The following ABCA13 variants were observed in gnomAD, a reference collection of about 807,000 sequenced individuals.
ABCA13 encodes ATP binding cassette subfamily A member 13.
A neutral mutation model predicts 478.7 loss-of-function variants in ABCA13; 476 were observed. The ratio of observed to expected loss-of-function variants is 0.99; its 90% CI spans 0.92 to 1.07. ABCA13 has a LOEUF of 1.07. Among genes scored for constraint, ABCA13 ranks in the 50% least tolerant of loss-of-function variants. The pLI is 0.00. For missense variants in ABCA13, 6,060 were observed against 5,910.6 expected (o/e 1.03, Z -0.83); for synonymous variants, 2,252 against 2,158.9 (o/e 1.04, Z -1.20).
chr7:48,198,065 G>C (rs1370387014), intron 2 of ABCA13, among the ~76,000 whole-genome samples, 172 bp from the exon 3 acceptor site: 1 of 151,946 alleles, frequency 6.6e-6, no homozygotes, highest in African/African-American at 2.4e-5. Context: ...AGATATAAAG[G>C]TTTTTCCATT....
intron 15 of ABCA13, among the ~76,000 whole-genome samples, chr7:48,251,666 A>G (rs1173895192): frequency 2.0e-5 from 3 of 152,030 alleles, no homozygotes; most frequent in South Asian, 2.1e-4. Flanking sequence ...TTTACTAAAT[A>G]TGTATATTAT....
intron 35 of ABCA13, among the ~76,000 whole-genome samples, chr7:48,383,934 C>G (rs1814779745): frequency 6.6e-6 from 1 of 152,216 alleles, no homozygotes; most frequent in Non-Finnish European, 1.5e-5. Context: ...TAATAACTTC[C>G]TGGACCTTTC....
chr7:48,335,474 T>G lies in ABCA13; in HGVS notation c.10052T>G (p.Leu3351Arg), dbSNP rs1171829441. Residue 3351 changes from leucine (L) to arginine (R), a missense_variant, in exon 28 of 62, where the codon CTG becomes CGG. Transcript: ENST00000435803. ...VDKLKTLSET[L>R]LEMSSLFQRS... ...AAACTAAAAACTTTATCAGAAACACTGCTGGAAATGTCCAGCCTTTTCCAG... is the reference window on the plus strand; with the variant it reads ...AAACTAAAAACTTTATCAGAAACACGGCTGGAAATGTCCAGCCTTTTCCAG... 1.2e-6 allele frequency: 2 copies of G among 1,613,750 alleles called. No homozygotes were observed. Among genetic ancestry groups the G allele is most frequent in the Admixed American group, 3.3e-5 (2 of 60,002 alleles).
At chr7:48,313,377 A>G in intron 25 of ABCA13, 146 bp downstream of exon 25, 1 of 812,934 alleles carries the variant, frequency 1.2e-6, no homozygotes, top group Non-Finnish European at 1.9e-6. Flanking sequence ...TATCTCTGGA[A>G]GCAACAGCAT....
chr7:48,388,278 A>G (rs17132284), intron 36 of ABCA13, among the ~76,000 whole-genome samples: 4,054 of 152,324 alleles, frequency 0.027, 187 homozygotes, highest in African/African-American at 0.092. Flanking sequence ...CCCAAAATGA[A>G]TATGTGTAAG....
intron 42 of ABCA13, among the ~76,000 whole-genome samples, chr7:48,445,524 T>C (rs1438813950): frequency 2.6e-5 from 4 of 152,034 alleles, no homozygotes; most frequent in Non-Finnish European, 5.9e-5. Context: ...CAACAGCTCT[T>C]CTCCCTGCCT....
chr7:48,468,782 T>C (rs1827160599), intron 44 of ABCA13, among the ~76,000 whole-genome samples: 1 of 152,200 alleles, frequency 6.6e-6, no homozygotes, highest in Non-Finnish European at 1.5e-5. Flanking sequence ...GTTGAGATAC[T>C]CAGCTCTGAG....
chr7:48,380,405 G>A (rs1814159745), intron 35 of ABCA13, among the ~76,000 whole-genome samples: 1 of 152,130 alleles, frequency 6.6e-6, no homozygotes, highest in Admixed American at 6.5e-5. Context: ...CACTATTGAT[G>A]GCGTTGTTTT....
intron 3 of ABCA13, among the ~76,000 whole-genome samples, chr7:48,208,935 G>A (rs983338668): frequency 6.6e-6 from 1 of 152,002 alleles, no homozygotes; most frequent in Admixed American, 6.6e-5. Context: ...AGTAGCTGTG[G>A]TTTTGTCATA....
At chr7:48,284,056 A>G (rs190346769) in intron 19 of ABCA13, among the ~76,000 whole-genome samples, 2 of 152,314 alleles carry the variant, frequency 1.3e-5, no homozygotes, top group Non-Finnish European at 2.9e-5. Flanking sequence ...TTGAAGATGC[A>G]TCTCCCTGCA....
At chr7:48,302,534 C>T (rs1449220379) in intron 23 of ABCA13, among the ~76,000 whole-genome samples, 1 of 152,058 alleles carries the variant, frequency 6.6e-6, no homozygotes, top group Non-Finnish European at 1.5e-5. Flanking sequence ...GTGCTTTGTT[C>T]CCCTCTTTGT....
At position 48,618,115 on chromosome 7, in the gene ABCA13, C is replaced by T. The variant is rs753914914; in HGVS notation, c.14837+2738C>T. ...CCTGAGTTCATCCCACCTTCCTGAG[C>T]CTGGGGAGTAAGACCCAAGCACAGG... On this transcript the variant is annotated intron_variant, in intron 59 of 61. Coordinates refer to ENST00000435803, the MANE Select transcript of ABCA13 (RefSeq NM_152701.5). 2.6e-5 allele frequency among the ~76,000 whole-genome samples: 4 copies of T among 152,092 alleles called. No individual in the cohort carries two copies. In the East Asian group the frequency reaches 7.7e-4, roughly 29 times the overall value.
Position 48,516,854 on chromosome 7 carries a change from G to A in ABCA13, c.13770G>A (p.Arg4590=). Residue 4590 remains arginine, a synonymous_variant, in exon 52 of 62, where the codon CGG becomes CGA. Coordinates refer to ENST00000435803, the MANE Select transcript of ABCA13 (RefSeq NM_152701.5). ...LCTMLITIMP[R]LLAIISKAKN... ...CCATGCTCATAACCATTATGCCCCG[G>A]TTGCTAGCCATCATCTCCAAAGCTA... is the stretch of plus-strand genomic sequence containing the variant. 1 of 1,613,530 alleles carries A rather than the reference G, an allele frequency of 6.2e-7. No homozygotes were observed. Among genetic ancestry groups the A allele is most frequent in the Non-Finnish European group, 8.5e-7 (1 of 1,179,624 alleles).
intron 57 of ABCA13, among the ~76,000 whole-genome samples, chr7:48,588,766 T>C (rs1789448486): frequency 6.6e-6 from 1 of 152,166 alleles, no homozygotes; most frequent in Non-Finnish European, 1.5e-5. Flanking sequence ...GTGACTATGA[T>C]GATGGTTACT....
chr7:48,506,728 A>G (rs1009311899), intron 49 of ABCA13, among the ~76,000 whole-genome samples: 2 of 152,176 alleles, frequency 1.3e-5, no homozygotes, highest in South Asian at 4.1e-4. Context: ...CATTGCATTC[A>G]TGTACATAAA....
chr7:48,358,548 A>C (rs916396715), intron 31 of ABCA13, among the ~76,000 whole-genome samples: 1 of 152,018 alleles, frequency 6.6e-6, no homozygotes, highest in Non-Finnish European at 1.5e-5. Flanking sequence ...AAGGGCCTTC[A>C]TCATTCACTC....
At chr7:48,239,166 G>A (rs1326341625) in intron 8 of ABCA13, 75 bp from the exon 9 acceptor site, 42 of 1,480,694 alleles carry the variant, frequency 2.8e-5, no homozygotes, top group South Asian at 1.5e-4. Flanking sequence ...TGGCAAGATC[G>A]TGGTGTTATT....
intron 54 of ABCA13, 99 bp from the exon 55 acceptor site, chr7:48,528,137 C>T (rs1833000130): frequency 1.9e-6 from 2 of 1,034,782 alleles, no homozygotes; most frequent in East Asian, 2.7e-5. Context: ...TGGCTAAAAG[C>T]AAGTGCTGTT....
intron 3 of ABCA13, among the ~76,000 whole-genome samples, chr7:48,203,357 A>G (rs12718304): frequency 0.2 from 30,931 of 152,126 alleles, 3,398 homozygotes; most frequent in Middle Eastern, 0.26. Context: ...CCAGAAAGGG[A>G]CTCCCACAGT....
Sources: gnomAD v4.1 joint callset for allele counts (sites outside exome capture counted in the v4.1 genomes callset) on GRCh38, gnomAD v4.1.1 for gene constraint, MANE v1.5 for transcripts, NCBI Gene and HGNC (gene_info 2026-07-23, HGNC 2026-07-21) for gene names.